Variants in TRPC7 observed in about 807,000 individuals in gnomAD.
The protein encoded by TRPC7 is transient receptor potential cation channel subfamily C member 7.
Under a neutral mutation model 90.1 loss-of-function variants are expected in TRPC7, and 42 were observed. The observed-to-expected ratio is 0.47, with a 90% confidence interval of 0.36 to 0.60. The LOEUF is 0.60. TRPC7 is among the 20% of genes least tolerant of loss of function. The probability of loss-of-function intolerance (pLI) is 0.00; values close to 1 mark genes in which losing one functional copy is unlikely to be tolerated. For missense variants in TRPC7, 955 were observed against 1,112.3 expected (o/e 0.86, Z 2.01); for synonymous variants, 451 against 436.3 (o/e 1.03, Z -0.42).
chr5:136,356,690 A>G lies in TRPC7; in HGVS notation c.698T>C (p.Leu233Pro), dbSNP rs1760388042. 6.2e-7 allele frequency: 1 copy of G among 1,607,310 alleles called. No individual in the cohort carries two copies. Among genetic ancestry groups the G allele is most frequent in the South Asian group, 1.1e-5 (1 of 90,422 alleles). The change falls in exon 2 of 12, where the codon CTG (leucine) becomes CCG (proline). Residue 233 changes from leucine (L) to proline (P), a missense_variant. By Grantham distance (98) the Leu-to-Pro change is moderately conservative. Coordinates refer to ENST00000513104, the MANE Select transcript of TRPC7 (RefSeq NM_020389.3). ...GGTGAGGACAGGGTCTTCGCTGGAC[A>G]GGGACAAGTAGGCAGCACTCGCCAG... is the stretch of plus-strand genomic sequence containing the variant. ...KGLASAAYLS[L>P]SSEDPVLTAL...
chr5:136,280,448 G>A (rs1351932076), intron 3 of TRPC7, among the ~76,000 whole-genome samples: 2 of 152,168 alleles, frequency 1.3e-5, no homozygotes, highest in Non-Finnish European at 2.9e-5. Flanking sequence ...AACTTCTGTT[G>A]AGTGATTGAT....
chr5:136,213,903 C>T (rs1234619879), intron 11 of TRPC7: 5 of 330,754 alleles, frequency 1.5e-5, no homozygotes, highest in Non-Finnish European at 2.2e-5. Context: ...GCACTTGTTT[C>T]ATAAAATACT....
intron 4 of TRPC7, among the ~76,000 whole-genome samples, chr5:136,269,235 A>G (rs1757126890): frequency 6.6e-6 from 1 of 152,204 alleles, no homozygotes; most frequent in African/African-American, 2.4e-5. Flanking sequence ...TCAGGAAATT[A>G]AAGCTTGTAG....
intron 11 of TRPC7, among the ~76,000 whole-genome samples, chr5:136,214,670 G>A (rs1380358548): frequency 6.6e-6 from 1 of 152,166 alleles, no homozygotes; most frequent in East Asian, 1.9e-4. Flanking sequence ...CAAGTAGGTA[G>A]GTGGGCTGTT....
intron 7 of TRPC7, among the ~76,000 whole-genome samples, chr5:136,246,504 A>C (rs908148841): frequency 3.3e-5 from 5 of 152,192 alleles, no homozygotes; most frequent in East Asian, 1.9e-4. Context: ...GTCTTTCCAG[A>C]TAGTCCCCCT....
At chr5:136,290,065 AC>A (rs1757883254) in intron 3 of TRPC7, among the ~76,000 whole-genome samples, 1 of 152,198 alleles carries the variant, frequency 6.6e-6, no homozygotes, top group Admixed American at 6.5e-5. Flanking sequence ...ACTCCAACAG[AC>A]CTGCAGCTGA....
At chr5:136,355,103 A>G (rs191477850) in intron 2 of TRPC7, among the ~76,000 whole-genome samples, 38 of 152,338 alleles carry the variant, frequency 2.5e-4, no homozygotes, top group African/African-American at 8.2e-4. Flanking sequence ...TCTGTGTGCA[A>G]TACCTCTTTG....
intron 3 of TRPC7, 51 bp downstream of exon 3, chr5:136,315,546 C>T: frequency 1.9e-6 from 3 of 1,591,332 alleles, no homozygotes; most frequent in Non-Finnish European, 1.7e-6. Flanking sequence ...AGGCCAGCAG[C>T]CCCGAGAAGA....
intron 3 of TRPC7, among the ~76,000 whole-genome samples, chr5:136,306,058 T>C (rs1758615972): frequency 6.6e-6 from 1 of 152,172 alleles, no homozygotes; most frequent in Non-Finnish European, 1.5e-5. Context: ...CTAGTCATAC[T>C]CCTATTCTCC....
At chr5:136,293,956 G>C (rs1206926505) in intron 3 of TRPC7, among the ~76,000 whole-genome samples, 1 of 152,038 alleles carries the variant, frequency 6.6e-6, no homozygotes. Flanking sequence ...TAGACCAATG[G>C]AACAGAACAG....
At chr5:136,347,910 G>A (rs1760062156) in intron 2 of TRPC7, among the ~76,000 whole-genome samples, 1 of 152,208 alleles carries the variant, frequency 6.6e-6, no homozygotes, top group Admixed American at 6.5e-5. Flanking sequence ...AGACAAAACG[G>A]TGGTCCTGGA....
chr5:136,221,562 A>C (rs1375421646), intron 10 of TRPC7, among the ~76,000 whole-genome samples: 1 of 152,222 alleles, frequency 6.6e-6, no homozygotes, highest in Non-Finnish European at 1.5e-5. Flanking sequence ...AAGAGAACAC[A>C]TACTGTACAC....
intron 10 of TRPC7, among the ~76,000 whole-genome samples, chr5:136,224,813 C>G (rs983594488): frequency 1.3e-5 from 2 of 152,254 alleles, no homozygotes; most frequent in Non-Finnish European, 2.9e-5. Context: ...CAGGGCCCAG[C>G]TGCCCTGGAC....
intron 10 of TRPC7, among the ~76,000 whole-genome samples, chr5:136,219,026 A>C (rs1179782932): frequency 6.6e-6 from 1 of 152,240 alleles, no homozygotes; most frequent in Non-Finnish European, 1.5e-5. Context: ...ACAAAGGCTC[A>C]AGATGGTTTA....
chr5:136,332,722 A>G (rs916474257), intron 2 of TRPC7, among the ~76,000 whole-genome samples: 6 of 152,234 alleles, frequency 3.9e-5, no homozygotes, highest in Non-Finnish European at 8.8e-5. Flanking sequence ...AACTAGAAAG[A>G]TAGAGTTACT....
chr5:136,317,087 A>G (rs1358261690), intron 2 of TRPC7, among the ~76,000 whole-genome samples: 2 of 152,216 alleles, frequency 1.3e-5, no homozygotes, highest in African/African-American at 4.8e-5. Context: ...AAGATCAAGA[A>G]AATATTTTCA....
At chr5:136,324,396 T>C (rs1561719118) in intron 2 of TRPC7, among the ~76,000 whole-genome samples, 1 of 152,224 alleles carries the variant, frequency 6.6e-6, no homozygotes. Flanking sequence ...TTAACCCAAA[T>C]TAATGGCTCA....
chr5:136,248,610 A>T (rs1756419973), intron 6 of TRPC7, among the ~76,000 whole-genome samples: 1 of 152,192 alleles, frequency 6.6e-6, no homozygotes, highest in Admixed American at 6.5e-5. Context: ...CAAAGTGGTG[A>T]CCAGTCAGGC....
intron 3 of TRPC7, among the ~76,000 whole-genome samples, chr5:136,278,854 A>T (rs562165518): frequency 6.6e-6 from 1 of 152,004 alleles, no homozygotes; most frequent in East Asian, 1.9e-4. Flanking sequence ...TTGCTTGGAG[A>T]TTCTATCTGG....
Sources: gnomAD v4.1 joint callset for allele counts (sites outside exome capture counted in the v4.1 genomes callset) on GRCh38, gnomAD v4.1.1 for gene constraint, MANE v1.5 for transcripts, NCBI Gene and HGNC (gene_info 2026-07-23, HGNC 2026-07-21) for gene names.